SNX29: variants seen among roughly 807,000 people sequenced by gnomAD.
SNX29 encodes sorting nexin 29, also known as sorting nexin-29.
In SNX29, 78 loss-of-function variants were observed where a neutral mutation model predicts 102.1. The observed-to-expected ratio is 0.76, with a 90% CI of 0.64 to 0.92. The LOEUF is 0.92. Among genes scored for constraint, SNX29 ranks in the 40% least tolerant of loss-of-function variants. The pLI is 0.00. For missense variants in SNX29, 1,280 were observed against 1,061.7 expected (o/e 1.21, Z -2.86); for synonymous variants, 580 against 414.5 (o/e 1.40, Z -4.85).
chr16:12,176,575 A>T (rs536447939), intron 13 of SNX29, among the ~76,000 whole-genome samples: 2 of 152,238 alleles, frequency 1.3e-5, no homozygotes, highest in Non-Finnish European at 2.9e-5. Flanking sequence ...TAGCATTTGC[A>T]TTATATTAGG....
intron 7 of SNX29, among the ~76,000 whole-genome samples, chr16:12,049,333 CT>C (rs139469974): frequency 0.38 from 54,869 of 144,406 alleles, 10,508 homozygotes; most frequent in Middle Eastern, 0.48. Context: ...AATTTTTTAA[CT>C]TTTTTTTTTT....
intron 3 of SNX29, among the ~76,000 whole-genome samples, chr16:12,022,280 G>A (rs1436236399): frequency 6.6e-6 from 1 of 150,456 alleles, no homozygotes; most frequent in Non-Finnish European, 1.5e-5. Flanking sequence ...AGCTCACTGC[G>A]ACCTCCGCCT....
At chr16:12,293,115 A>G (rs937977087) in intron 15 of SNX29, among the ~76,000 whole-genome samples, 1 of 152,222 alleles carries the variant, frequency 6.6e-6, no homozygotes, top group Non-Finnish European at 1.5e-5. Flanking sequence ...TACTATACAT[A>G]TATTTTCAAA....
chr16:12,227,899 TAAA>T (rs59381762), intron 14 of SNX29, among the ~76,000 whole-genome samples: 3,228 of 71,502 alleles, frequency 0.045, 70 homozygotes, highest in East Asian at 0.13. Context: ...GACTCTGTCT[TAAA>T]AAAAAAAAAA....
At chr16:12,358,840 G>T (rs1387699551) in intron 16 of SNX29, among the ~76,000 whole-genome samples, 1 of 152,248 alleles carries the variant, frequency 6.6e-6, no homozygotes, top group African/African-American at 2.4e-5. Flanking sequence ...GGAGCTTCCA[G>T]GTAGCTGAAT....
chr16:12,246,379 G>A (rs907532983), intron 14 of SNX29, among the ~76,000 whole-genome samples: 1 of 152,096 alleles, frequency 6.6e-6, no homozygotes, highest in East Asian at 1.9e-4. Flanking sequence ...GGTGGCTCAC[G>A]CTTGTAATCC....
chr16:12,246,048 A>C (rs931568918), intron 14 of SNX29, among the ~76,000 whole-genome samples: 3 of 152,124 alleles, frequency 2.0e-5, no homozygotes, highest in Non-Finnish European at 4.4e-5. Context: ...TGTGGGAAGC[A>C]CTCCATAAAC....
intron 19 of SNX29, among the ~76,000 whole-genome samples, chr16:12,480,669 C>T (rs2087864000): frequency 6.6e-6 from 1 of 152,196 alleles, no homozygotes; most frequent in African/African-American, 2.4e-5. Context: ...TCCCTTCCCA[C>T]CTCCTGCCTC....
At chr16:12,270,695 A>G (rs1219540780) in intron 14 of SNX29, among the ~76,000 whole-genome samples, 1 of 152,146 alleles carries the variant, frequency 6.6e-6, no homozygotes, top group Non-Finnish European at 1.5e-5. Context: ...TGTCATCTAC[A>G]TGAAATGATA....
At chr16:12,225,500 C>A (rs746524527) in intron 14 of SNX29, among the ~76,000 whole-genome samples, 33 of 152,280 alleles carry the variant, frequency 2.2e-4, no homozygotes, top group African/African-American at 6.7e-4. Flanking sequence ...TGTCTGCCAT[C>A]CACGTAAGAT....
intron 15 of SNX29, among the ~76,000 whole-genome samples, chr16:12,279,177 C>T (rs1311987356): frequency 3.9e-5 from 6 of 152,170 alleles, no homozygotes; most frequent in African/African-American, 1.4e-4. Context: ...AAATCTTCTA[C>T]AGTGAGTTTT....
At chr16:12,118,073 G>A (rs2053809518) in intron 11 of SNX29, among the ~76,000 whole-genome samples, 1 of 151,966 alleles carries the variant, frequency 6.6e-6, no homozygotes, top group Admixed American at 6.6e-5. Context: ...CTTCAGCCTG[G>A]GCGACAGAGC....
chr16:12,507,299 T>C (rs1372462070), intron 19 of SNX29, among the ~76,000 whole-genome samples: 2 of 152,220 alleles, frequency 1.3e-5, no homozygotes, highest in African/African-American at 4.8e-5. Flanking sequence ...TGCGAGCTGC[T>C]GTTTATAGTC....
At chr16:11,980,783 C>G (rs1158199507) in intron 1 of SNX29, among the ~76,000 whole-genome samples, 1 of 152,046 alleles carries the variant, frequency 6.6e-6, no homozygotes, top group African/African-American at 2.4e-5. Flanking sequence ...GCTTATTGAC[C>G]AATTGTGTAT....
chr16:12,264,748 C>T (rs2078877331), intron 14 of SNX29, among the ~76,000 whole-genome samples: 1 of 151,476 alleles, frequency 6.6e-6, no homozygotes, highest in East Asian at 1.9e-4. Context: ...TGCCACTGCA[C>T]TCCAACGAGA....
intron 13 of SNX29, among the ~76,000 whole-genome samples, chr16:12,162,101 G>A (rs553856635): frequency 6.1e-4 from 93 of 152,194 alleles, no homozygotes; most frequent in Non-Finnish European, 8.1e-4. Context: ...CTTACTTCCT[G>A]CCGGGCTTTG....
At chr16:12,450,437 AAGGGTAC>A (rs1301158589) in intron 18 of SNX29, among the ~76,000 whole-genome samples, 1 of 152,202 alleles carries the variant, frequency 6.6e-6, no homozygotes, top group Non-Finnish European at 1.5e-5. Context: ...TCAGTGAGAA[AAGGGTAC>A]AGCTCTCTAT....
chr16:12,553,921 G>A (rs1354605332), intron 20 of SNX29, among the ~76,000 whole-genome samples: 3 of 152,118 alleles, frequency 2.0e-5, no homozygotes, highest in Admixed American at 2.0e-4. Flanking sequence ...TCCGCCTCCT[G>A]GGTTCAAGCA....
At chr16:12,463,566 C>G (rs187683528) in intron 18 of SNX29, among the ~76,000 whole-genome samples, 1 of 152,112 alleles carries the variant, frequency 6.6e-6, no homozygotes, top group South Asian at 2.1e-4. Flanking sequence ...CCCTGTGATT[C>G]AATTATCTCC....
Sources: allele counts gnomAD v4.1 joint callset (sites outside exome capture counted in the v4.1 genomes callset), GRCh38; gene constraint gnomAD v4.1.1; transcripts MANE v1.5; gene names NCBI Gene and HGNC (gene_info 2026-07-23, HGNC 2026-07-21).